UBE3A: variants seen among roughly 807,000 people sequenced by gnomAD.
UBE3A encodes ubiquitin protein ligase E3A.
In UBE3A, 6 loss-of-function variants were observed where a neutral mutation model predicts 83.4. The ratio of observed to expected loss-of-function variants is 0.07; its 90% CI spans 0.04 to 0.14. The LOEUF (loss-of-function observed/expected upper bound fraction) is 0.14. Among genes scored for constraint, UBE3A ranks in the 10% least tolerant of loss-of-function variants. UBE3A has a pLI of 1.00. For synonymous variants in UBE3A, 337 were observed against 355.4 expected (o/e 0.95, Z 0.58); for missense variants, 456 against 1,036.1 (o/e 0.44, Z 7.69).
At chr15:25,354,082 A>ATACTC (rs1435971687) in intron 11 of UBE3A, 3 of 516,954 alleles carry the variant, frequency 5.8e-6, no homozygotes, top group Non-Finnish European at 1.0e-5. Flanking sequence ...AGCAGTAAGC[A>ATACTC]TACTCTAACC....
rs1011381283 is a variant in UBE3A, at chr15:25,365,869, C to T, written c.1608+4697G>A. On this transcript the variant is annotated intron_variant, in intron 6 of 12. Transcript: ENST00000648336. ...ATCCAAATTAATTTTTTCATGTTCA[C>T]GATAAACACATGAAGAAAAGTCTGT... Among the ~76,000 whole-genome samples the T allele has an allele frequency of 7.2e-5, 11 of 152,014 alleles. No homozygotes were observed. In the East Asian group the frequency reaches 1.2e-3, roughly 16 times the overall value.
At position 25,339,114 on chromosome 15, in the gene UBE3A, G is replaced by GTTTT; in HGVS notation, c.*19_*22dup. 2 of 1,363,994 alleles carry GTTTT rather than the reference G, an allele frequency of 1.5e-6. No individual in the cohort carries two copies. The highest frequency in any genetic ancestry group is 3.0e-5 in the Admixed American group (1 of 32,810). The allele number at this position is 1,363,994 out of a possible 1,614,324, so 84.5% of individuals were successfully genotyped here. On this transcript the variant is annotated 3_prime_UTR_variant, in exon 13 of 13. Transcript: ENST00000648336. ...TCTTTTTTTTTCCTTCCTTTTTTTT[G>GTTTT]TTTTATTTTGTTTTGTTTTGTTTTA...
At chr15:25,364,806 G>A (rs2078802038) in intron 6 of UBE3A, among the ~76,000 whole-genome samples, 1 of 151,886 alleles carries the variant, frequency 6.6e-6, no homozygotes, top group South Asian at 2.1e-4. Context: ...ACCGCGCCTG[G>A]CTATTTTTTT....
At chr15:25,346,404 C>T (rs2075698330) in intron 11 of UBE3A, 3 of 152,098 alleles carry the variant, frequency 2.0e-5, no homozygotes, top group Non-Finnish European at 4.4e-5. Context: ...CATGCTATAC[C>T]TTAACAGGTT....
At chr15:25,390,395 A>G (rs2084071247) in intron 4 of UBE3A, among the ~76,000 whole-genome samples, 1 of 152,238 alleles carries the variant, frequency 6.6e-6, no homozygotes, top group Non-Finnish European at 1.5e-5. Context: ...AAGCAACCAC[A>G]ATGTCCTTCA....
At chr15:25,395,877 A>T (rs2085444288) in intron 4 of UBE3A, among the ~76,000 whole-genome samples, 1 of 152,200 alleles carries the variant, frequency 6.6e-6, no homozygotes, top group African/African-American at 2.4e-5. Context: ...ACATAGCCTT[A>T]GTGTTAGAGG....
chr15:25,383,493 C>T (rs745957867), intron 4 of UBE3A, among the ~76,000 whole-genome samples: 16 of 151,898 alleles, frequency 1.1e-4, no homozygotes, highest in African/African-American at 2.4e-4. Context: ...AAAAACTAAT[C>T]GGGCATGGTG....
intron 4 of UBE3A, among the ~76,000 whole-genome samples, chr15:25,396,430 A>C (rs1197001179): frequency 6.6e-6 from 1 of 151,940 alleles, no homozygotes; most frequent in Non-Finnish European, 1.5e-5. Context: ...ACATAGTGAG[A>C]CCCTGTCTCT....
intron 6 of UBE3A, among the ~76,000 whole-genome samples, chr15:25,361,116 T>C (rs2078002455): frequency 7.3e-6 from 1 of 137,392 alleles, no homozygotes; most frequent in Non-Finnish European, 1.5e-5. Context: ...ACCTTACTCA[T>C]GTCCTTACTC....
chr15:25,339,105 CTTTTTTTTG>C lies in UBE3A; in HGVS notation c.*23_*31del. On this transcript the variant is annotated 3_prime_UTR_variant, in exon 13 of 13. Coordinates refer to ENST00000648336, the MANE Select transcript of UBE3A (RefSeq NM_130839.5). ...TAAATTTTTTCTTTTTTTTTCCTTC[CTTTTTTTTG>C]TTTTATTTTGTTTTGTTTTGTTTTA... is the stretch of plus-strand genomic sequence containing the variant. The C allele has an allele frequency of 6.9e-7, 1 of 1,440,480 alleles. No individual in the cohort carries two copies. The highest frequency in any genetic ancestry group is 9.2e-7 in the Non-Finnish European group (1 of 1,088,584). 89.2% of individuals were successfully genotyped at this position (1,440,480 alleles called of 1,614,324 possible).
intron 4 of UBE3A, among the ~76,000 whole-genome samples, chr15:25,388,696 T>C (rs551321863): frequency 1.1e-4 from 17 of 151,770 alleles, no homozygotes; most frequent in Admixed American, 6.6e-4. Context: ...GTGTAGAACA[T>C]AGACAGGAAT....
In UBE3A at chr15:25,335,144, G is replaced by C. The variant is rs547776798; in HGVS notation, c.*3993C>G. On this transcript the variant is annotated 3_prime_UTR_variant, in exon 13 of 13. Transcript: ENST00000648336. ...CCTAAGACACTCTGTAAGAATCCCA[G>C]TGACTCCTCACTGTTCAACTAAGAA... 28 of 152,298 alleles carry C rather than the reference G, an allele frequency of 1.8e-4. No homozygotes were observed. Among genetic ancestry groups the C allele is most frequent in the African/African-American group, 6.7e-4 (28 of 41,560 alleles). The allele number at this position is 152,298 out of a possible 1,614,324, so 9.4% of individuals were successfully genotyped here. A position where few individuals can be genotyped will look rare whatever the true frequency, so the allele number is the denominator to read the frequency against.
In UBE3A at chr15:25,360,375, G is replaced by A. The variant is rs1356350246; in HGVS notation, c.1753+8C>T. 9.3e-6 allele frequency: 15 copies of A among 1,613,332 alleles called. No individual in the cohort carries two copies. In the Admixed American group the frequency reaches 1.5e-4, roughly 16 times the overall value. ...ACGACACCATAATCACATTACTAAT[G>A]TATTTACCAATATCTGGATTGAAGA... On this transcript the variant is annotated splice_region_variant and intron_variant, in intron 7 of 12. Coordinates refer to ENST00000648336, the MANE Select transcript of UBE3A (RefSeq NM_130839.5).
intron 1 of UBE3A, among the ~76,000 whole-genome samples, chr15:25,425,677 C>G (rs893668994): frequency 6.6e-6 from 1 of 151,978 alleles, no homozygotes; most frequent in East Asian, 1.9e-4. Context: ...GAAGAGAAAC[C>G]TTTCATTTCT....
At chr15:25,355,829 T>C in intron 9 of UBE3A, 63 bp downstream of exon 9, 15 of 1,464,764 alleles carry the variant, frequency 1.0e-5, no homozygotes, top group South Asian at 2.3e-5. Flanking sequence ...TTAAAAATTA[T>C]AAGCATACAT....
intron 4 of UBE3A, among the ~76,000 whole-genome samples, chr15:25,397,038 G>A (rs2085742357): frequency 6.6e-6 from 1 of 152,216 alleles, no homozygotes. Context: ...TTGTAAATTA[G>A]GACAAATACT....
chr15:25,428,093 G>C (rs190753419), intron 1 of UBE3A, among the ~76,000 whole-genome samples: 2 of 152,122 alleles, frequency 1.3e-5, no homozygotes, highest in East Asian at 1.9e-4. Flanking sequence ...GGGAGTGAGA[G>C]GACAAAGGCA....
intron 1 of UBE3A, among the ~76,000 whole-genome samples, chr15:25,434,835 G>A (rs890457273): frequency 1.3e-5 from 2 of 152,136 alleles, no homozygotes; most frequent in African/African-American, 4.8e-5. Context: ...GACTGGAGCA[G>A]CTGACCTCAT....
At chr15:25,413,443 T>C (rs1334305098) in intron 1 of UBE3A, among the ~76,000 whole-genome samples, 4 of 152,164 alleles carry the variant, frequency 2.6e-5, no homozygotes, top group East Asian at 3.8e-4. Flanking sequence ...GTGTCTTATA[T>C]TTATGGATAA....
Sources: allele counts gnomAD v4.1 joint callset (sites outside exome capture counted in the v4.1 genomes callset), GRCh38; gene constraint gnomAD v4.1.1; transcripts MANE v1.5; gene names NCBI Gene and HGNC (gene_info 2026-07-23, HGNC 2026-07-21).